The following MAPK10 variants were observed in gnomAD, a reference collection of about 807,000 sequenced individuals.
The protein encoded by MAPK10 is mitogen-activated protein kinase 10.
MAPK10 carries 25 observed loss-of-function variants against 59.3 expected under a neutral mutation model. That is an observed-to-expected ratio of 0.42 (90% CI 0.31 to 0.59). The LOEUF (loss-of-function observed/expected upper bound fraction) is 0.59, where lower values mean the gene tolerates loss of function less well. MAPK10 is among the 20% of genes least tolerant of loss of function. The pLI is 0.15. For synonymous variants in MAPK10, 190 were observed against 200.5 expected, an observed-to-expected ratio of 0.95 and a Z score of 0.44; for missense variants, 351 against 568.9, an observed-to-expected ratio of 0.62 and a Z score of 3.90.
rs2149076114 is a variant in MAPK10, at chr4:86,103,095, G to GTGTGTGTGTGTGTGTGTGTGTGTGTT, written c.425+90_425+91insAACACACACACACACACACACACACA. The stretch of plus-strand genomic sequence containing the variant: ...CAACTCTGTGTGTGTGTGTGTGTGT[G>GTGTGTGTGTGTGTGTGTGTGTGTGTT]TGTGTGTGTGTGTGTGTGTGTGGTG... On this transcript the variant is annotated intron_variant, in intron 6 of 13. Transcript: ENST00000641462. 4 of 761,820 alleles carry GTGTGTGTGTGTGTGTGTGTGTGTGTT rather than the reference G, an allele frequency of 5.3e-6. No individual in the cohort carries two copies. The African/African-American group carries it at 6.8e-5, about 13-fold the overall frequency. 47.2% of individuals were successfully genotyped at this position (761,820 alleles called of 1,614,324 possible). A position where few individuals can be genotyped will look rare whatever the true frequency, so the allele number is the denominator to read the frequency against.
intron 2 of MAPK10, among the ~76,000 whole-genome samples, chr4:86,295,762 T>C (rs1044348875): frequency 4.0e-4 from 58 of 144,744 alleles, no homozygotes; most frequent in Non-Finnish European, 7.0e-4. Context: ...TTTATATATA[T>C]ATATTTTATA....
rs1221245621 is a variant in MAPK10 at position 86,393,370 on chromosome 4, CAAAAAG to C, written c.-121-38732_-121-38727del. On this transcript the variant is annotated intron_variant, in intron 1 of 13. Transcript: ENST00000361569. ...TTTTAAGGAAAATAACTATTGTAAA[CAAAAAG>C]AAAAAGTCTATTAAAGAATCAAGAA... is the stretch of plus-strand genomic sequence containing the variant. Among the ~76,000 whole-genome samples the C allele has an allele frequency of 1.3e-4, 19 of 148,712 alleles. No homozygotes were observed. In the South Asian group the frequency reaches 1.7e-3, roughly 13 times the overall value.
chr4:86,131,727 T>C (rs1448347260), intron 4 of MAPK10, among the ~76,000 whole-genome samples: 1 of 152,188 alleles, frequency 6.6e-6, no homozygotes, highest in African/African-American at 2.4e-5. Flanking sequence ...AAAAGTGTTC[T>C]TCTTTACACT....
At chr4:86,079,144 T>C (rs570432772) in intron 9 of MAPK10, among the ~76,000 whole-genome samples, 1 of 152,316 alleles carries the variant, frequency 6.6e-6, no homozygotes, top group East Asian at 1.9e-4. Context: ...GTTTTAATTA[T>C]AAATGAGCAT....
At chr4:86,357,534 T>C (rs1438633716) in intron 1 of MAPK10, 1 of 152,180 alleles carries the variant, frequency 6.6e-6, no homozygotes, top group African/African-American at 2.4e-5. Context: ...ATTTAAAATA[T>C]CTACATTTTA....
intron 1 of MAPK10, among the ~76,000 whole-genome samples, chr4:86,515,298 G>A (rs932810441): frequency 6.6e-6 from 1 of 152,100 alleles, no homozygotes; most frequent in Admixed American, 6.5e-5. Context: ...ATAAACATGC[G>A]TGTGCAAGTG....
chr4:86,084,087 C>A (rs908745350), intron 9 of MAPK10, among the ~76,000 whole-genome samples: 1 of 152,164 alleles, frequency 6.6e-6, no homozygotes, highest in South Asian at 2.1e-4. Flanking sequence ...GGGTGAAACT[C>A]TGAGACTTGC....
chr4:86,199,939 C>T (rs2082246840), intron 2 of MAPK10, among the ~76,000 whole-genome samples: 1 of 151,918 alleles, frequency 6.6e-6, no homozygotes, highest in Admixed American at 6.6e-5. Flanking sequence ...AACCATTAAA[C>T]TACTGAATTA....
chr4:86,465,367 C>T (rs1752105765), intron 1 of MAPK10, among the ~76,000 whole-genome samples: 1 of 152,202 alleles, frequency 6.6e-6, no homozygotes, highest in South Asian at 2.1e-4. Flanking sequence ...AAACACATTC[C>T]TGGTATCACA....
At chr4:86,592,414 G>T (rs1216549479) in intron 1 of MAPK10, among the ~76,000 whole-genome samples, 5 of 151,922 alleles carry the variant, frequency 3.3e-5, no homozygotes, top group Non-Finnish European at 7.4e-5. Context: ...ACTGTGGTTT[G>T]TCTACTTTTG....
At chr4:86,339,554 C>A (rs904458429) in intron 2 of MAPK10, among the ~76,000 whole-genome samples, 1 of 152,148 alleles carries the variant, frequency 6.6e-6, no homozygotes, top group Non-Finnish European at 1.5e-5. Context: ...TTTTCTTTTC[C>A]AAATATATTC....
chr4:86,514,161 C>T (rs1002832531), intron 1 of MAPK10, among the ~76,000 whole-genome samples: 2 of 152,062 alleles, frequency 1.3e-5, no homozygotes, highest in Admixed American at 6.5e-5. Flanking sequence ...TGGGGAAAGC[C>T]ATGAAGACAG....
chr4:86,140,304 C>A (rs1352914656), intron 4 of MAPK10, among the ~76,000 whole-genome samples: 2 of 134,288 alleles, frequency 1.5e-5, no homozygotes, highest in African/African-American at 3.1e-5. Context: ...CAATGATAGA[C>A]TGGATTAAGA....
At chr4:86,228,699 C>A (rs2091065710) in intron 2 of MAPK10, among the ~76,000 whole-genome samples, 1 of 152,136 alleles carries the variant, frequency 6.6e-6, no homozygotes, top group Non-Finnish European at 1.5e-5. Flanking sequence ...ACCCACCATA[C>A]AATGAACTTC....
chr4:86,581,680 G>A (rs1441968739), intron 1 of MAPK10, among the ~76,000 whole-genome samples: 1 of 119,902 alleles, frequency 8.3e-6, no homozygotes, highest in African/African-American at 3.8e-5. Flanking sequence ...CAGTTATTGT[G>A]TGTGTGTGTG....
chr4:86,101,868 T>G lies in MAPK10; in HGVS notation c.564+26A>C, dbSNP rs1471176889. 4 of 1,612,166 alleles carry G rather than the reference T, an allele frequency of 2.5e-6. No homozygotes were observed. The Admixed American group carries it at 5.0e-5, about 20-fold the overall frequency. On this transcript the variant is annotated intron_variant, in intron 7 of 13. Transcript: ENST00000641462. ...ACTCTTCCTCTTAAAGCATTTGAAT[T>G]GTAATCCTAGAGAAGGTGTTCTTAC...
intron 4 of MAPK10, among the ~76,000 whole-genome samples, chr4:86,140,788 C>T (rs1357328647): frequency 2.6e-5 from 4 of 152,098 alleles, no homozygotes; most frequent in African/African-American, 9.7e-5. Context: ...CAAATACACA[C>T]ACACACACGC....
intron 11 of MAPK10, among the ~76,000 whole-genome samples, chr4:86,038,507 C>T (rs1256525285): frequency 1.3e-5 from 2 of 151,944 alleles, no homozygotes; most frequent in African/African-American, 4.8e-5. Context: ...AAATATACAA[C>T]ATTTTGATTT....
At chr4:86,058,826 G>A (rs1169704721) in intron 11 of MAPK10, among the ~76,000 whole-genome samples, 1 of 151,982 alleles carries the variant, frequency 6.6e-6, no homozygotes, top group Non-Finnish European at 1.5e-5. Context: ...CTGTCTCTCT[G>A]GAATGCCCAG....
Sources: allele counts gnomAD v4.1 joint callset (sites outside exome capture counted in the v4.1 genomes callset), GRCh38; gene constraint gnomAD v4.1.1; transcripts MANE v1.5; gene names NCBI Gene and HGNC (gene_info 2026-07-23, HGNC 2026-07-21).